Variants in DYSF observed in about 807,000 individuals in gnomAD.
DYSF encodes dysferlin, also known as dystrophy-associated fer-1-like 1.
A neutral mutation model predicts 274.9 loss-of-function variants in DYSF; 212 were observed. The ratio of observed to expected loss-of-function variants is 0.77; its 90% CI spans 0.69 to 0.86. The LOEUF (loss-of-function observed/expected upper bound fraction) is 0.86. DYSF is among the 40% of genes least tolerant of loss of function. DYSF has a pLI of 0.00. For missense variants in DYSF, 2,666 were observed against 2,783.2 expected, an observed-to-expected ratio of 0.96 and a Z score of 0.95; for synonymous variants, 1,091 against 1,078.7, an observed-to-expected ratio of 1.01 and a Z score of -0.22.
intron 1 of DYSF, among the ~76,000 whole-genome samples, chr2:71,476,904 G>C (rs776498644): frequency 2.2e-4 from 33 of 151,174 alleles, no homozygotes; most frequent in Non-Finnish European, 2.5e-4. Context: ...CCTGGGCATT[G>C]GGCAGATATT....
intron 17 of DYSF, among the ~76,000 whole-genome samples, chr2:71,544,149 T>C (rs1028489154): frequency 2.0e-5 from 3 of 152,256 alleles, no homozygotes; most frequent in Non-Finnish European, 2.9e-5. Flanking sequence ...AGGTGAATGC[T>C]TTCCTGAATC....
At chr2:71,544,813 C>T (rs556460334) in intron 17 of DYSF, among the ~76,000 whole-genome samples, 1 of 152,180 alleles carries the variant, frequency 6.6e-6, no homozygotes, top group East Asian at 1.9e-4. Flanking sequence ...AGGCAGCTAT[C>T]AGAGGCATGT....
intron 3 of DYSF, among the ~76,000 whole-genome samples, chr2:71,491,879 G>T (rs968799628): frequency 1.3e-5 from 2 of 152,094 alleles, no homozygotes; most frequent in Admixed American, 1.3e-4. Context: ...AACATACATA[G>T]CACACAGACC....
chr2:71,577,677 CACTCTT>C (rs1404244039), intron 30 of DYSF, among the ~76,000 whole-genome samples: 2 of 152,046 alleles, frequency 1.3e-5, no homozygotes, highest in African/African-American at 2.4e-5. Context: ...CACCCACACA[CACTCTT>C]TCACACTCAC....
chr2:71,564,908 G>A (rs2091990572), intron 24 of DYSF, among the ~76,000 whole-genome samples: 1 of 152,184 alleles, frequency 6.6e-6, no homozygotes, highest in South Asian at 2.1e-4. Context: ...CTCATGCGCG[G>A]ACATAGAGCC....
intron 1 of DYSF, among the ~76,000 whole-genome samples, chr2:71,471,567 A>G (rs1430509418): frequency 6.6e-6 from 1 of 152,206 alleles, no homozygotes; most frequent in Non-Finnish European, 1.5e-5. Flanking sequence ...ATGTAATATC[A>G]CCCAGGTCAA....
At chr2:71,621,171 T>C (rs1480757585) in intron 41 of DYSF, among the ~76,000 whole-genome samples, 3 of 152,088 alleles carry the variant, frequency 2.0e-5, no homozygotes, top group Non-Finnish European at 4.4e-5. Context: ...TCTAGGAAGA[T>C]GACTTTGATG....
At chr2:71,551,798 G>A (rs1024509154) in intron 19 of DYSF, 78 bp downstream of exon 19, 5 of 1,207,838 alleles carry the variant, frequency 4.1e-6, no homozygotes, top group Non-Finnish European at 4.8e-6. Context: ...GCCTTGAGGT[G>A]TCATGGCCGA....
chr2:71,491,908 C>T (rs1228470450), intron 3 of DYSF, among the ~76,000 whole-genome samples: 2 of 152,132 alleles, frequency 1.3e-5, no homozygotes, highest in Non-Finnish European at 2.9e-5. Context: ...GGCAGAGTGG[C>T]GGTTTGCTGT....
intron 4 of DYSF, among the ~76,000 whole-genome samples, chr2:71,506,343 T>C (rs1022120878): frequency 6.6e-6 from 1 of 151,676 alleles, no homozygotes; most frequent in Non-Finnish European, 1.5e-5. Flanking sequence ...AAGACAGGAG[T>C]CTCAAGTTCT....
chr2:71,468,437 C>T (rs541607742), intron 1 of DYSF, among the ~76,000 whole-genome samples: 74 of 152,262 alleles, frequency 4.9e-4, no homozygotes, highest in African/African-American at 1.7e-3. Flanking sequence ...GAGCTACCAG[C>T]GCTTGGAGTG....
chr2:71,515,721 C>A lies in DYSF; in HGVS notation c.858C>A (p.Ile286=), dbSNP rs756420380. Residue 286 remains isoleucine, a synonymous_variant, in exon 8 of 56, where the codon ATC becomes ATA. Coordinates refer to ENST00000410020, the MANE Select transcript of DYSF (RefSeq NM_001130987.2). ...CAGGGCAGACCAAGCGGACGCGGAT[C>A]CACAAGGGAAACAGCCCACTCTTCA... The part of the protein sequence containing the change: ...TAAGQTKRTR[I]HKGNSPLFNE... 6.2e-7 allele frequency: 1 copy of A among 1,614,156 alleles called. No individual in the cohort carries two copies. The highest frequency in any genetic ancestry group is 8.5e-7 in the Non-Finnish European group (1 of 1,180,034).
rs756288374 is a variant in DYSF at position 71,665,242 on chromosome 2, C to T, written c.5255C>T (p.Ala1752Val). The T allele has an allele frequency of 1.1e-5, 17 of 1,614,084 alleles. No individual in the cohort carries two copies. Among genetic ancestry groups the T allele is most frequent in the Non-Finnish European group, 1.0e-5 (12 of 1,180,036 alleles). The change falls in exon 47 of 56, where the codon GCA becomes GTA. Residue 1752 changes from alanine (A) to valine (V), a missense_variant. Ala to Val is a moderately conservative substitution (Grantham distance 64, BLOSUM62 0). Transcript: ENST00000410020. ...HLFCQQHRVK[A>V]PVYRTDRVMF... ...TTCTGCCAGCAGCATAGAGTCAAGG[C>T]ACCTGTGTACCGGACAGACCGTGTA...
intron 30 of DYSF, among the ~76,000 whole-genome samples, chr2:71,586,113 C>T (rs2093058403): frequency 1.3e-5 from 2 of 152,060 alleles, no homozygotes; most frequent in South Asian, 2.1e-4. Context: ...GGTGGCCTTC[C>T]CTCTGCTCCC....
At chr2:71,512,277 A>C (rs2086179167) in intron 5 of DYSF, among the ~76,000 whole-genome samples, 1 of 152,192 alleles carries the variant, frequency 6.6e-6, no homozygotes, top group African/African-American at 2.4e-5. Flanking sequence ...GTGATACCTG[A>C]GGCCCCACAA....
chr2:71,577,536 A>T (rs1354001285), intron 30 of DYSF, among the ~76,000 whole-genome samples: 2 of 135,878 alleles, frequency 1.5e-5, no homozygotes, highest in African/African-American at 2.9e-5. Flanking sequence ...CCCCACTCTC[A>T]CACTAACACG....
At chr2:71,675,525 G>A (rs1333696819) in intron 52 of DYSF, among the ~76,000 whole-genome samples, 1 of 152,200 alleles carries the variant, frequency 6.6e-6, no homozygotes, top group Non-Finnish European at 1.5e-5. Context: ...CGGCAGTGGG[G>A]AGAAGGCTGC....
At chr2:71,606,161 G>A (rs1420432268) in intron 36 of DYSF, among the ~76,000 whole-genome samples, 5 of 152,146 alleles carry the variant, frequency 3.3e-5, no homozygotes, top group Non-Finnish European at 7.4e-5. Flanking sequence ...TTGGTTCTTC[G>A]TGGTAAACTG....
intron 3 of DYSF, among the ~76,000 whole-genome samples, chr2:71,494,326 A>G (rs6546699): frequency 0.87 from 132,970 of 152,248 alleles, 58,252 homozygotes; most frequent in East Asian, 1. Flanking sequence ...CTGGAGGCAC[A>G]TGATGTTCCT....
Sources: gnomAD v4.1 joint callset for allele counts (sites outside exome capture counted in the v4.1 genomes callset) on GRCh38, gnomAD v4.1.1 for gene constraint, MANE v1.5 for transcripts, NCBI Gene and HGNC (gene_info 2026-07-23, HGNC 2026-07-21) for gene names.